Variants in DOCK9 observed in about 807,000 individuals in gnomAD.
DOCK9 encodes dedicator of cytokinesis 9, also known as dedicator of cytokinesis protein 9.
Under a neutral mutation model 263.3 loss-of-function variants are expected in DOCK9, and 89 were observed. That is an observed-to-expected ratio of 0.34 (90% CI 0.28 to 0.40). The LOEUF is 0.40. Ranked by LOEUF, DOCK9 falls within the 10% of genes least tolerant of loss-of-function variation. The pLI is 1.00. For missense variants in DOCK9, 2,140 were observed against 2,603.4 expected, an observed-to-expected ratio of 0.82 and a Z score of 3.87; for synonymous variants, 976 against 973.1, an observed-to-expected ratio of 1.00 and a Z score of -0.06.
intron 46 of DOCK9, 143 bp downstream of exon 46, chr13:98,810,026 C>A: frequency 8.4e-7 from 1 of 1,193,846 alleles, no homozygotes; most frequent in Non-Finnish European, 1.2e-6. Flanking sequence ...CTGGCCACCA[C>A]CTTCAGCGTA....
intron 43 of DOCK9, 145 bp from the exon 44 acceptor site, chr13:98,827,032 C>A: frequency 1.8e-6 from 1 of 568,016 alleles, no homozygotes; most frequent in Non-Finnish European, 3.0e-6. Flanking sequence ...TGATATCTTA[C>A]CTTTTGAAGA....
intron 49 of DOCK9, among the ~76,000 whole-genome samples, chr13:98,802,103 C>T (rs1174143955): frequency 1.3e-5 from 2 of 152,126 alleles, no homozygotes; most frequent in Admixed American, 6.5e-5. Context: ...GGCTGTGCTT[C>T]AGGGGAAGAG....
chr13:99,002,829 C>T (rs1422408034), intron 1 of DOCK9, among the ~76,000 whole-genome samples: 2 of 151,936 alleles, frequency 1.3e-5, no homozygotes, highest in Admixed American at 6.6e-5. Flanking sequence ...AATCCTGGCC[C>T]GTCCTACTCA....
In DOCK9 at chr13:98,935,826, TG is replaced by T. The variant is rs34060677; in HGVS notation, c.244-5570del. On this transcript the variant is annotated intron_variant, in intron 2 of 52. Transcript: ENST00000682017. ...GTTGGAACCCATTAGGCTGGACCCATGGGGGAGGGGAGGACTACCAGGCTTG... is the reference window on the plus strand; with the variant it reads ...GTTGGAACCCATTAGGCTGGACCCATGGGGAGGGGAGGACTACCAGGCTTG... Among the ~76,000 whole-genome samples the T allele has an allele frequency of 8.5e-5, 13 of 152,090 alleles. No homozygotes were observed. In the East Asian group the frequency reaches 2.5e-3, roughly 29 times the overall value.
chr13:99,016,740 C>A (rs1350063966), intron 1 of DOCK9, among the ~76,000 whole-genome samples: 1 of 152,212 alleles, frequency 6.6e-6, no homozygotes, highest in African/African-American at 2.4e-5. Context: ...CCATGCTGCA[C>A]ATACAGGAAA....
At chr13:99,021,042 TCTG>T (rs1256235176) in intron 1 of DOCK9, among the ~76,000 whole-genome samples, 2 of 152,232 alleles carry the variant, frequency 1.3e-5, no homozygotes, top group Non-Finnish European at 2.9e-5. Flanking sequence ...GGCAGTGAAT[TCTG>T]CTGAGCAAAG....
chr13:99,053,388 G>C lies in DOCK9; in HGVS notation c.129+32835C>G, dbSNP rs139086286. Among the ~76,000 whole-genome samples, 647 of 152,116 alleles carry C rather than the reference G, an allele frequency of 4.3e-3. 3 individuals are homozygous for C. Among genetic ancestry groups the C allele is most frequent in the African/African-American group, 0.015 (605 of 41,486 alleles). On this transcript the variant is annotated intron_variant, in intron 1 of 32. Transcript: ENST00000427887. Reference sequence around the variant, plus strand: ...GTTTTGTGGCAGAAGGAAAAAACCAGCAACCTTAATACATATTTCTAAAAT... The same window carrying C: ...GTTTTGTGGCAGAAGGAAAAAACCACCAACCTTAATACATATTTCTAAAAT...
At chr13:98,904,607 T>C (rs1458128347) in intron 10 of DOCK9, 25 bp downstream of exon 10, 3 of 1,509,432 alleles carry the variant, frequency 2.0e-6, no homozygotes, top group African/African-American at 1.4e-5. Flanking sequence ...TGGTTTTAAA[T>C]ATTAAACATT....
chr13:98,851,722 ATC>A (rs1372009896), intron 35 of DOCK9, among the ~76,000 whole-genome samples: 9 of 152,222 alleles, frequency 5.9e-5, no homozygotes, highest in Non-Finnish European at 1.0e-4. Flanking sequence ...TGTGTTAACC[ATC>A]TCTGGAGGCA....
At chr13:98,875,731 C>G (rs2043720932) in intron 27 of DOCK9, among the ~76,000 whole-genome samples, 1 of 152,168 alleles carries the variant, frequency 6.6e-6, no homozygotes, top group African/African-American at 2.4e-5. Context: ...TCACTTGTAC[C>G]CTCCAAGTAC....
chr13:99,087,842 C>G (rs780542526), upstream of DOCK9: 2 of 152,268 alleles, frequency 1.3e-5, no homozygotes, highest in Admixed American at 1.3e-4. Context: ...CCTTACCTGC[C>G]GGGTCGGCCT....
intron 15 of DOCK9, among the ~76,000 whole-genome samples, chr13:98,892,788 G>A (rs565148205): frequency 7.4e-4 from 113 of 152,256 alleles, no homozygotes; most frequent in Non-Finnish European, 1.1e-3. Flanking sequence ...TAGATCTATC[G>A]AGAGGGAACA....
At chr13:98,835,026 C>A (rs988561682) in intron 39 of DOCK9, among the ~76,000 whole-genome samples, 1 of 152,196 alleles carries the variant, frequency 6.6e-6, no homozygotes, top group Non-Finnish European at 1.5e-5. Flanking sequence ...TGGGATAATT[C>A]GATCTACCAG....
intron 1 of DOCK9, among the ~76,000 whole-genome samples, chr13:99,048,430 C>A (rs1264980493): frequency 6.6e-6 from 1 of 152,216 alleles, no homozygotes; most frequent in Non-Finnish European, 1.5e-5. Context: ...ATAATGCATG[C>A]TCTGTGTTCA....
chr13:98,985,522 A>C (rs914302845), intron 1 of DOCK9, among the ~76,000 whole-genome samples: 3 of 152,214 alleles, frequency 2.0e-5, no homozygotes, highest in African/African-American at 4.8e-5. Flanking sequence ...AATTTACTGA[A>C]GGCTCAGGAT....
At chr13:98,818,894 T>C (rs1249566103) in intron 45 of DOCK9, among the ~76,000 whole-genome samples, 1 of 152,222 alleles carries the variant, frequency 6.6e-6, no homozygotes, top group Admixed American at 6.5e-5. Context: ...CCTATGTCTG[T>C]GCAGGGTTAT....
At chr13:98,822,948 T>G (rs951684898) in intron 45 of DOCK9, among the ~76,000 whole-genome samples, 6 of 152,138 alleles carry the variant, frequency 3.9e-5, no homozygotes, top group Non-Finnish European at 7.3e-5. Context: ...TCAAGACCCC[T>G]TCGTAGATTT....
Position 98,930,156 on chromosome 13 carries a change from A to G in DOCK9, c.333+12T>C. 2.5e-6 allele frequency: 4 copies of G among 1,602,810 alleles called. No homozygotes were observed. The highest frequency in any genetic ancestry group is 3.4e-6 in the Non-Finnish European group (4 of 1,174,180). On this transcript the variant is annotated intron_variant, in intron 3 of 52. Coordinates refer to ENST00000682017, the MANE Select transcript of DOCK9 (RefSeq NM_001366683.2). ...ACTTCAAAATGTAAATTAATGCAGG[A>G]AAGAGCCTTACCTCTGTAACAAACA...
intron 1 of DOCK9, among the ~76,000 whole-genome samples, chr13:99,071,996 G>A (rs573642035): frequency 6.6e-6 from 1 of 152,262 alleles, no homozygotes; most frequent in East Asian, 1.9e-4. Flanking sequence ...ATTAGCGCTT[G>A]AATTTCTCCA....
Sources: allele counts gnomAD v4.1 joint callset (sites outside exome capture counted in the v4.1 genomes callset), GRCh38; gene constraint gnomAD v4.1.1; transcripts MANE v1.5; gene names NCBI Gene and HGNC (gene_info 2026-07-23, HGNC 2026-07-21).